Variants in RFTN2 observed in about 807,000 individuals in gnomAD.
RFTN2 encodes raftlin-2.
Under a neutral mutation model 52.7 loss-of-function variants are expected in RFTN2, and 34 were observed. That is an observed-to-expected ratio of 0.64 (90% CI 0.49 to 0.86). The LOEUF (loss-of-function observed/expected upper bound fraction) is 0.86. RFTN2 is among the 40% of genes least tolerant of loss of function. The pLI is 0.00. For missense variants in RFTN2, 536 were observed against 600.1 expected (o/e 0.89, Z 1.12); for synonymous variants, 203 against 217.7 (o/e 0.93, Z 0.59).
chr2:197,575,890 A>G (rs924163358), intron 8 of RFTN2, among the ~76,000 whole-genome samples: 1 of 138,664 alleles, frequency 7.2e-6, no homozygotes, highest in Non-Finnish European at 1.5e-5. Context: ...TATATATAAT[A>G]TATATAATAT....
intron 1 of RFTN2, among the ~76,000 whole-genome samples, chr2:197,673,982 A>G: frequency 6.6e-6 from 1 of 152,162 alleles, no homozygotes; most frequent in African/African-American, 2.4e-5. Flanking sequence ...TGATGAGGAA[A>G]ATCAATGGTG....
chr2:197,600,100 C>T (rs2087857558), intron 7 of RFTN2, among the ~76,000 whole-genome samples: 1 of 152,094 alleles, frequency 6.6e-6, no homozygotes, highest in Non-Finnish European at 1.5e-5. Context: ...ATCAGGTGAT[C>T]CACCTGCCTC....
intron 8 of RFTN2, among the ~76,000 whole-genome samples, chr2:197,587,031 C>A (rs74476268): frequency 0.023 from 3,458 of 152,250 alleles, 121 homozygotes; most frequent in African/African-American, 0.08. Context: ...ATTCTTAATT[C>A]TTTAATACCT....
intron 7 of RFTN2, among the ~76,000 whole-genome samples, chr2:197,600,212 T>C (rs532088207): frequency 2.1e-4 from 32 of 152,088 alleles, no homozygotes; most frequent in Non-Finnish European, 2.9e-4. Flanking sequence ...TGCCTTCCAG[T>C]GGCCCTATGG....
At chr2:197,619,162 G>A (rs2088210992) in intron 5 of RFTN2, among the ~76,000 whole-genome samples, 1 of 151,796 alleles carries the variant, frequency 6.6e-6, no homozygotes, top group African/African-American at 2.4e-5. Flanking sequence ...CATCCGGGAG[G>A]TGAGGGGCGC....
At position 197,568,819 on chromosome 2, in the gene RFTN2, C is replaced by G. The variant is rs764808754; in HGVS notation, c.*3189G>C. 6 of 152,128 alleles carry G rather than the reference C, an allele frequency of 3.9e-5. No homozygotes were observed. The highest frequency in any genetic ancestry group is 7.3e-5 in the Non-Finnish European group (5 of 68,032). 9.4% of individuals were successfully genotyped at this position (152,128 alleles called of 1,614,324 possible). A position where few individuals can be genotyped will look rare whatever the true frequency, so the allele number is the denominator to read the frequency against. On this transcript the variant is annotated 3_prime_UTR_variant, in exon 9 of 9. Transcript: ENST00000295049. ...AACAGGCAAGGGCGGGAAAACGGGA[C>G]AGCTCCTCTGGCACTCCAGAATGAA...
At chr2:197,657,855 G>A (rs2088915171) in intron 1 of RFTN2, among the ~76,000 whole-genome samples, 1 of 152,132 alleles carries the variant, frequency 6.6e-6, no homozygotes, top group African/African-American at 2.4e-5. Context: ...TGGGAATTTT[G>A]TTGAGAACTT....
chr2:197,669,151 T>C (rs1459010789), intron 1 of RFTN2, among the ~76,000 whole-genome samples: 1 of 152,244 alleles, frequency 6.6e-6, no homozygotes, highest in South Asian at 2.1e-4. Flanking sequence ...TAAAATTCTA[T>C]TGAACTATGT....
intron 8 of RFTN2, among the ~76,000 whole-genome samples, chr2:197,592,137 T>C (rs1485117829): frequency 6.6e-6 from 1 of 152,200 alleles, no homozygotes; most frequent in Admixed American, 6.5e-5. Flanking sequence ...AGTACTGTTC[T>C]GTGCTCAGTG....
intron 5 of RFTN2, among the ~76,000 whole-genome samples, chr2:197,628,777 C>A (rs2088412238): frequency 6.6e-6 from 1 of 152,328 alleles, no homozygotes; most frequent in African/African-American, 2.4e-5. Context: ...TTCTGGGAGT[C>A]ACTTTACATT....
chr2:197,610,386 T>A (rs2088036698), intron 7 of RFTN2, among the ~76,000 whole-genome samples: 1 of 152,240 alleles, frequency 6.6e-6, no homozygotes, highest in Non-Finnish European at 1.5e-5. Context: ...CAATTGTGAA[T>A]GGGAGTTCAC....
intron 7 of RFTN2, among the ~76,000 whole-genome samples, chr2:197,613,992 C>T (rs572353253): frequency 1.1e-3 from 162 of 152,204 alleles, no homozygotes; most frequent in African/African-American, 3.6e-3. Flanking sequence ...TTTGATGATC[C>T]CATCCAACTT....
intron 5 of RFTN2, among the ~76,000 whole-genome samples, chr2:197,623,527 G>A (rs2088302624): frequency 6.6e-6 from 1 of 152,178 alleles, no homozygotes; most frequent in South Asian, 2.1e-4. Context: ...TTCCCAGGCT[G>A]GAGTGCAGTG....
intron 1 of RFTN2, 127 bp downstream of exon 1, chr2:197,675,193 G>A: frequency 1.5e-6 from 1 of 682,760 alleles, no homozygotes; most frequent in Non-Finnish European, 2.2e-6. Context: ...AAGAAGCGAA[G>A]CATTATTGTT....
intron 8 of RFTN2, among the ~76,000 whole-genome samples, chr2:197,590,749 C>T (rs576238849): frequency 2.6e-5 from 4 of 152,274 alleles, no homozygotes; most frequent in African/African-American, 7.2e-5. Context: ...GTGAGTGTTA[C>T]AGCTCTTAAC....
chr2:197,578,478 A>T (rs2087454424), intron 8 of RFTN2, among the ~76,000 whole-genome samples: 1 of 152,156 alleles, frequency 6.6e-6, no homozygotes, highest in South Asian at 2.1e-4. Flanking sequence ...AGAATCACAA[A>T]AGAAGTGAAA....
chr2:197,591,205 A>G (rs944446235), intron 8 of RFTN2, among the ~76,000 whole-genome samples: 1 of 151,986 alleles, frequency 6.6e-6, no homozygotes, highest in Admixed American at 6.6e-5. Context: ...CTAGACACAG[A>G]GTGCTGATTG....
At chr2:197,614,186 C>T (rs1333727622) in intron 7 of RFTN2, among the ~76,000 whole-genome samples, 4 of 152,168 alleles carry the variant, frequency 2.6e-5, no homozygotes. Flanking sequence ...CTCACAAGAT[C>T]CTTCAGGGCC....
chr2:197,572,038 T>C lies in RFTN2; in HGVS notation c.1476A>G (p.Glu492=). The stretch of plus-strand genomic sequence containing the variant: ...TACAAGTGACCTGAGTCACTCCATC[T>C]TCCTGATCAAACTGTCCGTCGTCTA... ...RELDDGQFDQ[E]DGVTQVTCM is the part of the protein sequence containing the mutation. The change falls in exon 9 of 9, where the codon GAA becomes GAG. Residue 492 remains glutamate, a synonymous_variant. Transcript: ENST00000295049. 6.2e-7 allele frequency: 1 copy of C among 1,614,234 alleles called. No individual in the cohort carries two copies. The highest frequency in any genetic ancestry group is 2.2e-5 in the East Asian group (1 of 44,890).
Sources: gnomAD v4.1 joint callset for allele counts (sites outside exome capture counted in the v4.1 genomes callset) on GRCh38, gnomAD v4.1.1 for gene constraint, MANE v1.5 for transcripts, NCBI Gene and HGNC (gene_info 2026-07-23, HGNC 2026-07-21) for gene names.